The following HEG1 variants were observed in gnomAD, a reference collection of about 807,000 sequenced individuals.
HEG1 encodes the protein protein HEG homolog 1.
Under a neutral mutation model 125.6 loss-of-function variants are expected in HEG1, and 56 were observed. That is an observed-to-expected ratio of 0.45 (90% confidence interval 0.36 to 0.56). The LOEUF (loss-of-function observed/expected upper bound fraction) is 0.56, where lower values mean the gene tolerates loss of function less well. HEG1 is among the 20% of genes least tolerant of loss of function. The pLI, the probability that HEG1 is intolerant of heterozygous loss-of-function variation, is 0.00. For missense variants in HEG1, 1,523 were observed against 1,670.0 expected, an observed-to-expected ratio of 0.91 and a Z score of 1.53; for synonymous variants, 644 against 668.5, an observed-to-expected ratio of 0.96 and a Z score of 0.57.
intron 14 of HEG1, among the ~76,000 whole-genome samples, chr3:124,981,848 A>G (rs1438245708): frequency 6.6e-6 from 1 of 152,106 alleles, no homozygotes; most frequent in East Asian, 1.9e-4. Context: ...ACATATTTAC[A>G]TATGCACACA....
Position 124,970,749 on chromosome 3 carries a change from T to G in HEG1, c.4049A>C (p.Tyr1350Ser). 1.2e-6 allele frequency: 2 copies of G among 1,610,676 alleles called. No individual in the cohort carries two copies. Among genetic ancestry groups the G allele is most frequent in the Non-Finnish European group, 1.7e-6 (2 of 1,178,582 alleles). ...ATGCCGTGATCCTGGCAGTCCAGTG[T>G]AGGCCGGGTAGAGTCCGTTTCGTTC... is the stretch of plus-strand genomic sequence containing the variant. ...ELERNGLYPA[Y>S]TGLPGSRHSC... Residue 1350 changes from tyrosine (Y) to serine (S), a missense_variant, in exon 17 of 17, where the codon TAC (tyrosine) becomes TCC (serine). Tyr to Ser is a moderately radical substitution (Grantham distance 144, BLOSUM62 -2). Coordinates refer to ENST00000311127, the MANE Select transcript of HEG1 (RefSeq NM_020733.2).
In HEG1 at chr3:125,029,316, G is replaced by T. The variant is rs376664096; in HGVS notation, c.489C>A (p.Leu163=). ...ASDAPENLTL[L]AETADARGRS... ...TTCCTCTAGCATCTGCTGTTTCAGCGAGTAGAGTGAGGTTTTCTGGAGCAT... is the reference window on the plus strand; with the variant it reads ...TTCCTCTAGCATCTGCTGTTTCAGCTAGTAGAGTGAGGTTTTCTGGAGCAT... The change falls in exon 2 of 17, where the codon CTC becomes CTA. Residue 163 remains leucine, a synonymous_variant. Coordinates refer to ENST00000311127, the MANE Select transcript of HEG1 (RefSeq NM_020733.2). The T allele has an allele frequency of 1.2e-6, 2 of 1,613,988 alleles. No homozygotes were observed. The highest frequency in any genetic ancestry group is 1.7e-5 in the Admixed American group (1 of 60,026).
At chr3:125,043,336 GGGAT>G (rs1937616120) in intron 1 of HEG1, among the ~76,000 whole-genome samples, 1 of 152,162 alleles carries the variant, frequency 6.6e-6, no homozygotes, top group African/African-American at 2.4e-5. Flanking sequence ...GCATGAAGGA[GGGAT>G]ACAGCCTATC....
intron 1 of HEG1, among the ~76,000 whole-genome samples, chr3:125,039,177 G>GA (rs545594065): frequency 6.7e-6 from 1 of 149,118 alleles, no homozygotes; most frequent in Non-Finnish European, 1.5e-5. Flanking sequence ...TGCTTTGCCT[G>GA]TTTTTTTTTT....
At chr3:125,046,605 T>C (rs1193413025) in intron 1 of HEG1, among the ~76,000 whole-genome samples, 1 of 152,182 alleles carries the variant, frequency 6.6e-6, no homozygotes, top group Non-Finnish European at 1.5e-5. Flanking sequence ...CTGCAGAATA[T>C]TGTTCTCTTG....
At chr3:125,016,414 T>C (rs1937247462) in intron 5 of HEG1, among the ~76,000 whole-genome samples, 1 of 152,206 alleles carries the variant, frequency 6.6e-6, no homozygotes, top group Non-Finnish European at 1.5e-5. Context: ...ACTGAAATCA[T>C]ATGTTCCTCA....
intron 12 of HEG1, among the ~76,000 whole-genome samples, chr3:124,995,637 T>A (rs1936909384): frequency 6.6e-6 from 1 of 152,160 alleles, no homozygotes; most frequent in Non-Finnish European, 1.5e-5. Context: ...GAACCCAGCC[T>A]AAAGGGCTGT....
At chr3:124,996,907 C>A (rs148801633) in intron 12 of HEG1, among the ~76,000 whole-genome samples, 6 of 152,220 alleles carry the variant, frequency 3.9e-5, no homozygotes, top group African/African-American at 1.4e-4. Flanking sequence ...AGTCAGGGTG[C>A]GTGGTGCTCT....
intron 12 of HEG1, among the ~76,000 whole-genome samples, chr3:124,995,648 G>T (rs1304151516): frequency 1.3e-5 from 2 of 152,198 alleles, no homozygotes; most frequent in Admixed American, 1.3e-4. Context: ...AAAGGGCTGT[G>T]GCCCAAGAAG....
chr3:125,017,705 T>A (rs1267861622), intron 5 of HEG1, among the ~76,000 whole-genome samples: 2 of 152,122 alleles, frequency 1.3e-5, no homozygotes, highest in Non-Finnish European at 2.9e-5. Flanking sequence ...CACAGCCACA[T>A]AACCTGGCCA....
rs1399380776 is a variant in HEG1, at chr3:125,013,187, G to C, written c.2392C>G (p.Leu798Val). Residue 798 changes from leucine to valine, a missense_variant, in exon 6 of 17, where the codon CTG becomes GTG. Leu to Val is a conservative substitution (Grantham distance 32). Coordinates refer to ENST00000311127, the MANE Select transcript of HEG1 (RefSeq NM_020733.2). ...KVITESKSPS[L>V]VSLPTESTKA... ...GTGGACTCTGTGGGCAGAGACACCA[G>C]GCTTGGTGACTTTGATTCTGTAATG... The C allele has an allele frequency of 6.2e-7, 1 of 1,613,924 alleles. No individual in the cohort carries two copies. Among genetic ancestry groups the C allele is most frequent in the East Asian group, 2.2e-5 (1 of 44,896 alleles).
intron 1 of HEG1, among the ~76,000 whole-genome samples, chr3:125,037,263 G>A (rs1220223086): frequency 6.6e-6 from 1 of 152,170 alleles, no homozygotes; most frequent in Non-Finnish European, 1.5e-5. Flanking sequence ...GAACAAAAAT[G>A]GTTGGTATCT....
intron 3 of HEG1, among the ~76,000 whole-genome samples, chr3:125,025,090 C>T (rs995417628): frequency 6.6e-6 from 1 of 152,244 alleles, no homozygotes; most frequent in Non-Finnish European, 1.5e-5. Context: ...TCTCAGCACT[C>T]TTGCCTGAGT....
chr3:125,035,596 C>A (rs189167949), intron 1 of HEG1, among the ~76,000 whole-genome samples: 3 of 152,052 alleles, frequency 2.0e-5, no homozygotes, highest in Non-Finnish European at 2.9e-5. Flanking sequence ...AATAAAAACA[C>A]GTTCAGTCAA....
Position 124,970,588 on chromosome 3 carries a change from C to A in HEG1, c.*64G>T. On this transcript the variant is annotated 3_prime_UTR_variant, in exon 17 of 17. Transcript: ENST00000311127. ...AAATCCTGGGCGCAGCCTCCTGGTG[C>A]GGTCCTCTGAGCAGAGGTCCCAGGT... is the stretch of plus-strand genomic sequence containing the variant. 1 of 1,433,532 alleles carries A rather than the reference C, an allele frequency of 7.0e-7. No homozygotes were observed. 88.8% of individuals were successfully genotyped at this position (1,433,532 alleles called of 1,614,324 possible).
chr3:124,996,842 T>C (rs1004004851), intron 12 of HEG1, among the ~76,000 whole-genome samples: 4 of 152,236 alleles, frequency 2.6e-5, no homozygotes. Context: ...CCATCCATGA[T>C]GGCCTTTATA....
intron 12 of HEG1, among the ~76,000 whole-genome samples, chr3:124,995,883 G>T (rs1936914029): frequency 6.6e-6 from 1 of 152,202 alleles, no homozygotes; most frequent in Non-Finnish European, 1.5e-5. Context: ...CAAAATTGCT[G>T]ACTTGGAAAC....
intron 15 of HEG1, among the ~76,000 whole-genome samples, chr3:124,977,136 T>C (rs1936560728): frequency 6.6e-6 from 1 of 152,168 alleles, no homozygotes. Context: ...ACAAGCTCTC[T>C]CTTTGCCTGC....
intron 14 of HEG1, among the ~76,000 whole-genome samples, chr3:124,980,729 G>C (rs895534618): frequency 1.7e-4 from 26 of 152,246 alleles, no homozygotes; most frequent in South Asian, 4.2e-4. Flanking sequence ...ATGTTGGCCA[G>C]GCTGGTCTCA....
Sources: gnomAD v4.1 joint callset for allele counts (sites outside exome capture counted in the v4.1 genomes callset) on GRCh38, gnomAD v4.1.1 for gene constraint, MANE v1.5 for transcripts, NCBI Gene and HGNC (gene_info 2026-07-23, HGNC 2026-07-21) for gene names.